Variants in STIM2 observed in about 807,000 individuals in gnomAD.
STIM2 encodes stromal interaction molecule 2.
STIM2 carries 31 observed loss-of-function variants against 85.8 expected under a neutral mutation model. The ratio of observed to expected loss-of-function variants is 0.36; its 90% CI spans 0.27 to 0.49. The LOEUF (loss-of-function observed/expected upper bound fraction) is 0.49. Among genes scored for constraint, STIM2 ranks in the 20% least tolerant of loss-of-function variants. The probability of loss-of-function intolerance (pLI) is 0.98; values close to 1 mark genes in which losing one functional copy is unlikely to be tolerated. For synonymous variants in STIM2, 356 were observed against 331.1 expected (o/e 1.08, Z -0.82); for missense variants, 841 against 927.6 (o/e 0.91, Z 1.21).
chr4:26,906,512 G>A (rs1442228665), intron 1 of STIM2, among the ~76,000 whole-genome samples: 4 of 148,436 alleles, frequency 2.7e-5, no homozygotes, highest in African/African-American at 5.0e-5. Context: ...GGACTAGTGC[G>A]ATCATAATGA....
intron 3 of STIM2, among the ~76,000 whole-genome samples, chr4:26,969,174 A>C (rs1375011369): frequency 6.6e-6 from 1 of 152,192 alleles, no homozygotes; most frequent in Non-Finnish European, 1.5e-5. Context: ...CATATCACTA[A>C]CAATTTTTAA....
intron 1 of STIM2, among the ~76,000 whole-genome samples, chr4:26,874,816 T>C (rs776613891): frequency 1.1e-4 from 17 of 152,196 alleles, no homozygotes; most frequent in Non-Finnish European, 2.4e-4. Flanking sequence ...ATGTCTGCTG[T>C]GTGCTAGACA....
At chr4:26,933,790 G>C (rs1725290886) in intron 2 of STIM2, among the ~76,000 whole-genome samples, 1 of 149,542 alleles carries the variant, frequency 6.7e-6, no homozygotes, top group South Asian at 2.1e-4. Flanking sequence ...TGTGCTTCCT[G>C]ATATAATTTT....
At chr4:26,932,646 A>G (rs1042453124) in intron 2 of STIM2, among the ~76,000 whole-genome samples, 3 of 152,218 alleles carry the variant, frequency 2.0e-5, no homozygotes. Context: ...ACGAATGAAT[A>G]TTGGAAAATC....
chr4:26,945,346 T>C (rs1250769195), intron 2 of STIM2, among the ~76,000 whole-genome samples: 2 of 152,250 alleles, frequency 1.3e-5, no homozygotes, highest in Non-Finnish European at 2.9e-5. Flanking sequence ...AGTCTGTCAT[T>C]GATGGGCGTT....
intron 3 of STIM2, 28 bp downstream of exon 3, chr4:26,957,754 C>T (rs779712150): frequency 1.4e-6 from 2 of 1,432,446 alleles, no homozygotes; most frequent in South Asian, 1.2e-5. Context: ...ATCTGGCCCC[C>T]TCCCCTTCTG....
chr4:26,861,999 A>C (rs1055670045), intron 1 of STIM2, among the ~76,000 whole-genome samples: 1 of 152,162 alleles, frequency 6.6e-6, no homozygotes, highest in Non-Finnish European at 1.5e-5. Context: ...TGGTGGGAGC[A>C]TCACTGGGTG....
In STIM2 at chr4:26,942,025, C is replaced by A. The variant is rs77089038; in HGVS notation, c.283-15587C>A. Among the ~76,000 whole-genome samples, 877 of 152,062 alleles carry A rather than the reference C, an allele frequency of 5.8e-3. 9 individuals are homozygous for A. Among genetic ancestry groups the A allele is most frequent in the African/African-American group, 0.02 (810 of 41,436 alleles). ...TGGTCACTAATTTAAAAATAAATTC[C>A]ATTGCTAGTTTATTTCCCATACTTG... On this transcript the variant is annotated intron_variant, in intron 2 of 11. Coordinates refer to ENST00000467087, the MANE Select transcript of STIM2 (RefSeq NM_020860.4).
At chr4:26,954,153 A>G (rs1360401580) in intron 2 of STIM2, among the ~76,000 whole-genome samples, 1 of 152,220 alleles carries the variant, frequency 6.6e-6, no homozygotes, top group African/African-American at 2.4e-5. Flanking sequence ...TAAAAATAAC[A>G]GCACAAATAC....
intron 2 of STIM2, among the ~76,000 whole-genome samples, chr4:26,950,736 A>G (rs991178428): frequency 1.3e-5 from 2 of 152,190 alleles, no homozygotes; most frequent in Non-Finnish European, 2.9e-5. Flanking sequence ...AAATGGACTA[A>G]GACAAAGGTG....
At chr4:26,879,778 T>C (rs1267063790) in intron 1 of STIM2, among the ~76,000 whole-genome samples, 1 of 152,238 alleles carries the variant, frequency 6.6e-6, no homozygotes, top group African/African-American at 2.4e-5. Context: ...GCTTTGTAAG[T>C]AATGATTCAG....
Position 27,022,421 on chromosome 4 carries a change from T to A in STIM2, c.1764-98T>A, listed in dbSNP as rs190364059. 1.2e-5 allele frequency: 12 copies of A among 999,382 alleles called. No homozygotes were observed. The Admixed American group carries it at 2.7e-4, about 23-fold the overall frequency. The allele number at this position is 999,382 out of a possible 1,614,324, so 61.9% of individuals were successfully genotyped here. A position where few individuals can be genotyped will look rare whatever the true frequency, so the allele number is the denominator to read the frequency against. On this transcript the variant is annotated intron_variant, in intron 11 of 11. Transcript: ENST00000467087. The stretch of plus-strand genomic sequence containing the variant: ...ATCATATCATTTCCCTCTTTTAAAT[T>A]TCAAAAAGCAATGAAAGTTGTTTTA...
At chr4:26,990,819 A>G (rs1727742037) in intron 3 of STIM2, among the ~76,000 whole-genome samples, 1 of 152,172 alleles carries the variant, frequency 6.6e-6, no homozygotes, top group Admixed American at 6.5e-5. Context: ...GCCCACAGGT[A>G]TACGAAAAAA....
chr4:26,894,266 ATG>A (rs199610340), intron 1 of STIM2, among the ~76,000 whole-genome samples: 31 of 150,866 alleles, frequency 2.1e-4, no homozygotes, highest in Middle Eastern at 3.4e-3. Context: ...TTATATACTT[ATG>A]TGTGTATATA....
intron 10 of STIM2, among the ~76,000 whole-genome samples, chr4:27,014,187 CTGTT>C (rs543091287): frequency 1.3e-5 from 2 of 151,792 alleles, no homozygotes; most frequent in South Asian, 2.1e-4. Context: ...TTAATATTGT[CTGTT>C]TATTTCTGCT....
intron 10 of STIM2, among the ~76,000 whole-genome samples, chr4:27,011,151 C>T (rs1271121935): frequency 6.6e-6 from 1 of 152,128 alleles, no homozygotes; most frequent in Non-Finnish European, 1.5e-5. Flanking sequence ...TATGCTAAAG[C>T]CTGTTGTACT....
At chr4:26,974,570 C>T (rs1660176637) in intron 3 of STIM2, among the ~76,000 whole-genome samples, 1 of 152,236 alleles carries the variant, frequency 6.6e-6, no homozygotes, top group Admixed American at 6.5e-5. Flanking sequence ...TCGACCTCCA[C>T]TCTCTTGTGG....
chr4:27,011,401 A>G lies in STIM2; in HGVS notation c.1489+2399A>G, dbSNP rs190603791. Among the ~76,000 whole-genome samples, 16 of 152,172 alleles carry G rather than the reference A, an allele frequency of 1.1e-4. No homozygotes were observed. The East Asian group carries it at 2.9e-3, about 28-fold the overall frequency. On this transcript the variant is annotated intron_variant, in intron 10 of 11. Transcript: ENST00000467087. Reference sequence around the variant, plus strand: ...TAGTTTATCCGTTTTTCTACTTTCTACTTTCTTGGCCCTTACAAACAATGT... The same window carrying G: ...TAGTTTATCCGTTTTTCTACTTTCTGCTTTCTTGGCCCTTACAAACAATGT...
chr4:27,023,015 A>C lies in STIM2; in HGVS notation c.*19A>C. 6.3e-7 allele frequency: 1 copy of C among 1,599,076 alleles called. No individual in the cohort carries two copies. Among genetic ancestry groups the C allele is most frequent in the South Asian group, 1.1e-5 (1 of 90,448 alleles). ...TAAGTGAACTGGCTGACTTGATGGA[A>C]TCATGTTCAAGTGGCATCTGTAAAC... On this transcript the variant is annotated 3_prime_UTR_variant, in exon 12 of 12. Transcript: ENST00000467087.
Sources: gnomAD v4.1 joint callset for allele counts (sites outside exome capture counted in the v4.1 genomes callset) on GRCh38, gnomAD v4.1.1 for gene constraint, MANE v1.5 for transcripts, NCBI Gene and HGNC (gene_info 2026-07-23, HGNC 2026-07-21) for gene names.